Variants in ASAP1 observed in about 807,000 individuals in gnomAD.
ASAP1 encodes the protein ArfGAP with SH3 domain, ankyrin repeat and PH domain 1, also known as arf-GAP with SH3 domain, ANK repeat and PH domain-containing protein 1.
Under a neutral mutation model 145.2 loss-of-function variants are expected in ASAP1, and 43 were observed. The ratio of observed to expected loss-of-function variants is 0.30; its 90% CI spans 0.23 to 0.38. The LOEUF (loss-of-function observed/expected upper bound fraction) is 0.38. Among genes scored for constraint, ASAP1 ranks in the 10% least tolerant of loss-of-function variants. The pLI, the probability that ASAP1 is intolerant of heterozygous loss-of-function variation, is 1.00. For synonymous variants in ASAP1, 546 were observed against 515.5 expected (o/e 1.06, Z -0.80); for missense variants, 1,018 against 1,355.3 (o/e 0.75, Z 3.91).
intron 13 of ASAP1, among the ~76,000 whole-genome samples, chr8:130,141,924 C>T (rs2097612735): frequency 6.6e-6 from 1 of 152,008 alleles, no homozygotes; most frequent in African/African-American, 2.4e-5. Context: ...TGGTTTGTTG[C>T]CCAGGCTGAT....
At position 130,092,114 on chromosome 8, in the gene ASAP1, G is replaced by C. The variant is rs2097506829; in HGVS notation, c.2431C>G (p.Leu811Val). ...CTGCCACTAGAGGTCTGGGTGCTTAGAGGGAGTGTTGAAGGTGGGCCAGTT... is the reference window on the plus strand; with the variant it reads ...CTGCCACTAGAGGTCTGGGTGCTTACAGGGAGTGTTGAAGGTGGGCCAGTT... ...GPTGPPSTLPLSTQTSSGSST... is the reference protein window; with the variant it reads ...GPTGPPSTLPVSTQTSSGSST... The change falls in exon 25 of 30, where the codon CTA (leucine) becomes GTA (valine). Residue 811 changes from leucine (L) to valine (V), a missense_variant. Leu to Val is a conservative substitution (Grantham distance 32). Around this residue, in one of 9 missense-constraint regions of ASAP1, gnomAD observed 353 missense variants for 375.4 expected, o/e 0.94. Transcript: ENST00000518721. 1 of 1,568,136 alleles carries C rather than the reference G, an allele frequency of 6.4e-7. No homozygotes were observed. Among genetic ancestry groups the C allele is most frequent in the Non-Finnish European group, 8.6e-7 (1 of 1,163,742 alleles).
At chr8:130,286,766 G>A (rs1014587780) in intron 3 of ASAP1, among the ~76,000 whole-genome samples, 1 of 152,238 alleles carries the variant, frequency 6.6e-6, no homozygotes, top group Admixed American at 6.5e-5. Context: ...TTTAAAAAGT[G>A]TGCAACTGCC....
chr8:130,290,760 C>A (rs542577642), intron 3 of ASAP1, among the ~76,000 whole-genome samples: 1 of 152,192 alleles, frequency 6.6e-6, no homozygotes, highest in African/African-American at 2.4e-5. Flanking sequence ...AAATCCTTAA[C>A]AGGATAATGA....
rs1307887296 is a variant in ASAP1, at chr8:130,060,773, C to T, written c.2998G>A (p.Ala1000Thr). 2.5e-6 allele frequency: 4 copies of T among 1,614,140 alleles called. No homozygotes were observed. The highest frequency in any genetic ancestry group is 3.4e-6 in the Non-Finnish European group (4 of 1,180,024). ...PPKPQLGDLLAKSQTGDVSPK... is the reference protein window; with the variant it reads ...PPKPQLGDLLTKSQTGDVSPK... ...GAGACATCTCCAGTCTGGGATTTTG[C>T]TAGCAGGTCTCCCAGCTGTGGTTTG... Residue 1000 changes from alanine to threonine, a missense_variant, in exon 28 of 30, where the codon GCA becomes ACA. By Grantham distance (58) the Ala-to-Thr change is moderately conservative (BLOSUM62 0). Around this residue, in one of 9 missense-constraint regions of ASAP1, gnomAD observed 139 missense variants for 131.0 expected, o/e 1.06. Transcript: ENST00000518721.
At chr8:130,132,894 T>C (rs1238545768) in intron 15 of ASAP1, among the ~76,000 whole-genome samples, 2 of 152,202 alleles carry the variant, frequency 1.3e-5, no homozygotes, top group Non-Finnish European at 1.5e-5. Context: ...CTCTTTCTGA[T>C]CCTTTATCAT....
At chr8:130,110,904 C>A (rs893026209) in intron 24 of ASAP1, among the ~76,000 whole-genome samples, 1 of 152,108 alleles carries the variant, frequency 6.6e-6, no homozygotes, top group African/African-American at 2.4e-5. Flanking sequence ...GGAGCACGAG[C>A]TGAGCACACA....
At chr8:130,111,141 G>A (rs2097546066) in intron 24 of ASAP1, among the ~76,000 whole-genome samples, 1 of 149,854 alleles carries the variant, frequency 6.7e-6, no homozygotes, top group Admixed American at 6.7e-5. Flanking sequence ...GAGGGGTCAA[G>A]GTGGGAGGAT....
intron 9 of ASAP1, among the ~76,000 whole-genome samples, chr8:130,174,720 T>G (rs1368838365): frequency 6.6e-6 from 1 of 152,212 alleles, no homozygotes; most frequent in African/African-American, 2.4e-5. Context: ...CAAAGGGGTT[T>G]AGAGAGCTGC....
chr8:130,249,235 T>C (rs1329413594), intron 3 of ASAP1, among the ~76,000 whole-genome samples: 1 of 152,122 alleles, frequency 6.6e-6, no homozygotes, highest in Non-Finnish European at 1.5e-5. Context: ...TCTCTGACTT[T>C]AAAACAGAAT....
intron 2 of ASAP1, among the ~76,000 whole-genome samples, chr8:130,366,907 T>TTTTTTTTTTTTTTTTTTTG (rs1826981993): frequency 6.8e-6 from 1 of 147,866 alleles, no homozygotes; most frequent in African/African-American, 2.5e-5. Context: ...TTTTTTTTTT[T>TTTTTTTTTTTTTTTTTTTG]TGAGACAGAG....
chr8:130,359,424 A>G (rs193098330), intron 2 of ASAP1, among the ~76,000 whole-genome samples: 11 of 151,964 alleles, frequency 7.2e-5, no homozygotes, highest in Admixed American at 2.6e-4. Context: ...GCTGAGTATG[A>G]ATTTGGTTTA....
chr8:130,217,666 T>C (rs1817021841), intron 4 of ASAP1, among the ~76,000 whole-genome samples: 1 of 152,184 alleles, frequency 6.6e-6, no homozygotes, highest in African/African-American at 2.4e-5. Context: ...AGCTGGACTT[T>C]CAAAGCTGCG....
chr8:130,118,992 A>C (rs1188039583), intron 18 of ASAP1, among the ~76,000 whole-genome samples: 1 of 152,256 alleles, frequency 6.6e-6, no homozygotes, highest in Non-Finnish European at 1.5e-5. Flanking sequence ...ATATATAAGC[A>C]TATGAATAAA....
intron 9 of ASAP1, among the ~76,000 whole-genome samples, chr8:130,176,891 T>C (rs1043995254): frequency 6.6e-6 from 1 of 152,106 alleles, no homozygotes; most frequent in African/African-American, 2.4e-5. Flanking sequence ...GGTTTTGCCA[T>C]GTTGGTCAGG....
At chr8:130,079,777 G>T in intron 26 of ASAP1, 125 bp downstream of exon 26, 1 of 914,052 alleles carries the variant, frequency 1.1e-6, no homozygotes, top group Non-Finnish European at 1.7e-6. Flanking sequence ...TCTTGTTGTG[G>T]CCTGCCCCAC....
At chr8:130,125,850 T>C (rs771295300) in intron 17 of ASAP1, 106 bp downstream of exon 17, 10 of 1,175,466 alleles carry the variant, frequency 8.5e-6, no homozygotes, top group Non-Finnish European at 1.2e-5. Context: ...AATTCAGGAA[T>C]TATAATTCTT....
At chr8:130,405,109 A>G (rs1828966110) in intron 1 of ASAP1, among the ~76,000 whole-genome samples, 1 of 152,128 alleles carries the variant, frequency 6.6e-6, no homozygotes, top group Non-Finnish European at 1.5e-5. Flanking sequence ...TGCCTAATTC[A>G]CATGGGAATA....
At chr8:130,212,586 A>T (rs948176645) in intron 5 of ASAP1, among the ~76,000 whole-genome samples, 2 of 152,228 alleles carry the variant, frequency 1.3e-5, no homozygotes, top group African/African-American at 4.8e-5. Flanking sequence ...CAGTTTCCTC[A>T]TCTGGATTAA....
chr8:130,294,429 C>G (rs570425339), intron 3 of ASAP1, among the ~76,000 whole-genome samples: 1 of 152,318 alleles, frequency 6.6e-6, no homozygotes, highest in Admixed American at 6.5e-5. Flanking sequence ...AAGTGTGATA[C>G]AGTAGAAATA....
Sources: allele counts gnomAD v4.1 joint callset (sites outside exome capture counted in the v4.1 genomes callset), GRCh38; gene constraint gnomAD v4.1.1; regional missense constraint gnomAD v4.1.1; transcripts MANE v1.5; gene names NCBI Gene and HGNC (gene_info 2026-07-23, HGNC 2026-07-21).